The following ADCY1 variants were observed in gnomAD, a reference collection of about 807,000 sequenced individuals.
The protein encoded by ADCY1 is adenylate cyclase type 1.
Under a neutral mutation model 105.4 loss-of-function variants are expected in ADCY1, and 28 were observed. That is an observed-to-expected ratio of 0.27 (90% CI 0.20 to 0.36). The LOEUF (loss-of-function observed/expected upper bound fraction) is 0.36. ADCY1 is among the 10% of genes least tolerant of loss of function. The probability of loss-of-function intolerance (pLI) is 1.00; values close to 1 mark genes in which losing one functional copy is unlikely to be tolerated. For missense variants in ADCY1, 977 were observed against 1,434.2 expected (o/e 0.68, Z 5.15); for synonymous variants, 655 against 623.8 (o/e 1.05, Z -0.75).
At chr7:45,597,682 C>T (rs1793115943) in intron 2 of ADCY1, among the ~76,000 whole-genome samples, 1 of 152,164 alleles carries the variant, frequency 6.6e-6, no homozygotes, top group Non-Finnish European at 1.5e-5. Context: ...GAGGCAGGTG[C>T]CAGTCTCAAG....
chr7:45,722,266 CA>C lies in ADCY1; in HGVS notation c.*8273del, dbSNP rs1785491163. ...TCCACCTGTAAAAACTGCACATATG[CA>C]AGCCATTTGCACTCTGGAACTGCAT... On this transcript the variant is annotated 3_prime_UTR_variant, in exon 20 of 20. Transcript: ENST00000297323. 1 of 161,032 alleles carries C rather than the reference CA, an allele frequency of 6.2e-6. No homozygotes were observed. The highest frequency in any genetic ancestry group is 2.0e-4 in the South Asian group (1 of 4,908). 10.0% of individuals were successfully genotyped at this position (161,032 alleles called of 1,614,324 possible).
At chr7:45,705,379 G>T (rs1439458230) in intron 17 of ADCY1, among the ~76,000 whole-genome samples, 2 of 152,134 alleles carry the variant, frequency 1.3e-5, no homozygotes, top group African/African-American at 4.8e-5. Flanking sequence ...TACTAAAACT[G>T]CATTGGATTT....
rs1792254905 is a variant in ADCY1, at chr7:45,574,467, G to GGCGCCGCCGCCC, written c.-71_-60dup. 3.7e-6 allele frequency: 1 copy of GGCGCCGCCGCCC among 272,740 alleles called. No homozygotes were observed. The highest frequency in any genetic ancestry group is 5.4e-6 in the Non-Finnish European group (1 of 183,646). 16.9% of individuals were successfully genotyped at this position (272,740 alleles called of 1,614,324 possible). The stretch of plus-strand genomic sequence containing the variant: ...TCGCCGCCCGCCGCCCGCCCGCCCC[G>GGCGCCGCCGCCC]GCGCCGCCGCCCGCGCCCCGGCGCC... On this transcript the variant is annotated 5_prime_UTR_variant, in exon 1 of 20. Coordinates refer to ENST00000297323, the MANE Select transcript of ADCY1 (RefSeq NM_021116.4). The surrounding 1 kb of genome is among the most constrained non-coding windows in gnomAD (Gnocchi z 7.0).
chr7:45,619,666 G>A lies in ADCY1; in HGVS notation c.909-2966G>A, dbSNP rs547412133. Among the ~76,000 whole-genome samples the A allele has an allele frequency of 2.0e-5, 3 of 152,286 alleles. No individual in the cohort carries two copies. The East Asian group carries it at 5.8e-4, about 29-fold the overall frequency. On this transcript the variant is annotated intron_variant, in intron 3 of 19. Coordinates refer to ENST00000297323, the MANE Select transcript of ADCY1 (RefSeq NM_021116.4). ...AATATCTGCATGATCTCATTTGTATGTGGAAGTAAAATAGTCAAATTCATA... is the reference window on the plus strand; with the variant it reads ...AATATCTGCATGATCTCATTTGTATATGGAAGTAAAATAGTCAAATTCATA...
rs917905637 is a variant in ADCY1, at chr7:45,591,797, G to A, written c.640-962G>A. Among the ~76,000 whole-genome samples the A allele has an allele frequency of 1.1e-4, 17 of 152,342 alleles. No individual in the cohort carries two copies. Among genetic ancestry groups the A allele is most frequent in the African/African-American group, 2.4e-4 (10 of 41,582 alleles). On this transcript the variant is annotated intron_variant, in intron 1 of 19. Transcript: ENST00000297323. The surrounding 1 kb of genome is among the most constrained non-coding windows in gnomAD (Gnocchi z 4.1). ...GTGGGGAGTGGGAAGTGATTGTGGA[G>A]GGGAACCCTGGGTCAGGCTGGCCCC...
rs1300854081 is a variant in ADCY1 at position 45,591,365 on chromosome 7, G to A, written c.640-1394G>A. Among the ~76,000 whole-genome samples the A allele has an allele frequency of 6.6e-6, 1 of 152,206 alleles. No homozygotes were observed. The highest frequency in any genetic ancestry group is 1.5e-5 in the Non-Finnish European group (1 of 68,046). ...GACACCCATCTGTCCCGTCTCATGG[G>A]TCTACCTCCTGGACTCGCTTGGTCC... On this transcript the variant is annotated intron_variant, in intron 1 of 19. Coordinates refer to ENST00000297323, the MANE Select transcript of ADCY1 (RefSeq NM_021116.4). This position sits in a 1 kb window ranked among gnomAD's most constrained non-coding sequence, Gnocchi z 4.1.
At position 45,647,252 on chromosome 7, in the gene ADCY1, G is replaced by A. The variant is rs948952329; in HGVS notation, c.1021-1418G>A. 6.6e-6 allele frequency among the ~76,000 whole-genome samples: 1 copy of A among 152,236 alleles called. No homozygotes were observed. Among genetic ancestry groups the A allele is most frequent in the African/African-American group, 2.4e-5 (1 of 41,464 alleles). On this transcript the variant is annotated intron_variant, in intron 4 of 19. Transcript: ENST00000297323. The surrounding 1 kb of genome is among the most constrained non-coding windows in gnomAD (Gnocchi z 4.6). ...GCTAGGCCAATCCCTGCTCAGCCTG[G>A]GAACTGGGGCTCCCAGCGGTCGGTG...
intron 14 of ADCY1, among the ~76,000 whole-genome samples, chr7:45,689,506 G>T (rs1784747652): frequency 6.6e-6 from 1 of 152,060 alleles, no homozygotes. Context: ...GGGGTGGGGG[G>T]AAGGTGCCAC....
intron 14 of ADCY1, among the ~76,000 whole-genome samples, chr7:45,694,628 ATAAC>A (rs1322744146): frequency 1.3e-5 from 2 of 152,234 alleles, no homozygotes; most frequent in African/African-American, 4.8e-5. Flanking sequence ...AAGGAATAAA[ATAAC>A]AAGGAAGTAT....
intron 11 of ADCY1, 145 bp from the exon 12 acceptor site, chr7:45,684,834 A>T: frequency 1.6e-6 from 1 of 631,110 alleles, no homozygotes; most frequent in Non-Finnish European, 2.7e-6. Flanking sequence ...AAAAAAGCCA[A>T]GAGACATGTG....
chr7:45,719,566 G>A lies in ADCY1; in HGVS notation c.*5571G>A, dbSNP rs1171405152. On this transcript the variant is annotated 3_prime_UTR_variant, in exon 20 of 20. Transcript: ENST00000297323. Reference sequence around the variant, plus strand: ...ATCTATTCTGTTCCATATGAAGTCTGTTTCACTACCTTAAAAAATAGATAC... The same window carrying A: ...ATCTATTCTGTTCCATATGAAGTCTATTTCACTACCTTAAAAAATAGATAC... 6.6e-6 allele frequency: 1 copy of A among 152,176 alleles called. No individual in the cohort carries two copies. The highest frequency in any genetic ancestry group is 1.9e-4 in the East Asian group (1 of 5,198). The allele number at this position is 152,176 out of a possible 1,614,324, so 9.4% of individuals were successfully genotyped here.
chr7:45,580,447 C>G (rs1208252311), intron 1 of ADCY1, among the ~76,000 whole-genome samples: 1 of 152,222 alleles, frequency 6.6e-6, no homozygotes, highest in Non-Finnish European at 1.5e-5. Context: ...GTTTAGGTGC[C>G]AGGCTTGAGC....
At chr7:45,701,261 C>G (rs1257615373) in intron 14 of ADCY1, among the ~76,000 whole-genome samples, 1 of 152,030 alleles carries the variant, frequency 6.6e-6, no homozygotes, top group Middle Eastern at 3.2e-3. Context: ...AAATAAGTGG[C>G]ACAGGGAAAG....
At chr7:45,620,951 A>G (rs145383832) in intron 3 of ADCY1, among the ~76,000 whole-genome samples, 3 of 152,172 alleles carry the variant, frequency 2.0e-5, no homozygotes, top group East Asian at 3.9e-4. Context: ...CAGTACACAC[A>G]GCTCCATATC....
intron 2 of ADCY1, among the ~76,000 whole-genome samples, chr7:45,593,487 C>T (rs1792985347): frequency 6.6e-6 from 1 of 152,268 alleles, no homozygotes; most frequent in African/African-American, 2.4e-5. Context: ...TGGAAGGAGC[C>T]ATGCCTAGGT....
At chr7:45,603,884 A>G (rs1272154827) in intron 2 of ADCY1, among the ~76,000 whole-genome samples, 1 of 152,086 alleles carries the variant, frequency 6.6e-6, no homozygotes, top group Non-Finnish European at 1.5e-5. Context: ...ATATATCAAT[A>G]TTTGTTTCTT....
rs1320988362 is a variant in ADCY1, at chr7:45,717,763, G to T, written c.*3768G>T. The T allele has an allele frequency of 6.6e-6, 1 of 152,428 alleles. No homozygotes were observed. The highest frequency in any genetic ancestry group is 1.5e-5 in the Non-Finnish European group (1 of 68,056). 9.4% of individuals were successfully genotyped at this position (152,428 alleles called of 1,614,324 possible). A position where few individuals can be genotyped will look rare whatever the true frequency, so the allele number is the denominator to read the frequency against. On this transcript the variant is annotated 3_prime_UTR_variant, in exon 20 of 20. Transcript: ENST00000297323. ...CGGCCCGGGTGGTCCATGCCTGCGG[G>T]GTGTCTGTATCCTGCAGGAGGACGC...
At chr7:45,698,365 G>A (rs1432412162) in intron 14 of ADCY1, among the ~76,000 whole-genome samples, 1 of 152,144 alleles carries the variant, frequency 6.6e-6, no homozygotes, top group African/African-American at 2.4e-5. Context: ...TCTCTTTAAT[G>A]TAGTAGAATA....
intron 2 of ADCY1, among the ~76,000 whole-genome samples, chr7:45,607,237 A>G (rs959997338): frequency 6.6e-6 from 1 of 152,138 alleles, no homozygotes; most frequent in Non-Finnish European, 1.5e-5. Flanking sequence ...TGTCTTACGT[A>G]TACATTCCAG....
Sources: allele counts gnomAD v4.1 joint callset (sites outside exome capture counted in the v4.1 genomes callset), GRCh38; gene constraint gnomAD v4.1.1; non-coding constraint Gnocchi (gnomAD v3.1); transcripts MANE v1.5; gene names NCBI Gene and HGNC (gene_info 2026-07-23, HGNC 2026-07-21).